ARHGAP15: variants seen among roughly 807,000 people sequenced by gnomAD.
The protein encoded by ARHGAP15 is rho GTPase-activating protein 15.
In ARHGAP15, 51 loss-of-function variants were observed where a neutral mutation model predicts 63.7. That is an observed-to-expected ratio of 0.80 (90% CI 0.64 to 1.01). The LOEUF (loss-of-function observed/expected upper bound fraction) is 1.01. Among genes scored for constraint, ARHGAP15 ranks in the 50% least tolerant of loss-of-function variants. ARHGAP15 has a pLI of 0.00. For missense variants in ARHGAP15, 560 were observed against 564.6 expected, an observed-to-expected ratio of 0.99 and a Z score of 0.08; for synonymous variants, 191 against 193.8, an observed-to-expected ratio of 0.99 and a Z score of 0.12.
chr2:143,216,574 C>T (rs953534375), intron 4 of ARHGAP15, 129 bp downstream of exon 4: 2 of 613,224 alleles, frequency 3.3e-6, no homozygotes, highest in African/African-American at 3.7e-5. Flanking sequence ...TCTGCTACTG[C>T]TATGATCAAC....
intron 13 of ARHGAP15, among the ~76,000 whole-genome samples, chr2:143,727,992 A>T (rs1685359669): frequency 6.6e-6 from 1 of 152,220 alleles, no homozygotes; most frequent in Admixed American, 6.5e-5. Flanking sequence ...TTTCTATATT[A>T]TACTGCAGTG....
chr2:143,571,163 T>C (rs1046925294), intron 11 of ARHGAP15, among the ~76,000 whole-genome samples: 2 of 152,228 alleles, frequency 1.3e-5, no homozygotes, highest in Non-Finnish European at 2.9e-5. Flanking sequence ...CAAATGGGAC[T>C]GTTTATTTGC....
At chr2:143,531,943 G>T (rs371714072) in intron 10 of ARHGAP15, among the ~76,000 whole-genome samples, 1 of 152,174 alleles carries the variant, frequency 6.6e-6, no homozygotes, top group Non-Finnish European at 1.5e-5. Context: ...GGGAAAAAAA[G>T]TACTTTCAAG....
chr2:143,348,901 TA>T (rs1468047095), intron 6 of ARHGAP15, among the ~76,000 whole-genome samples: 1 of 152,154 alleles, frequency 6.6e-6, no homozygotes, highest in Non-Finnish European at 1.5e-5. Context: ...AAAAGTAAAT[TA>T]AGTCAGAAGG....
intron 11 of ARHGAP15, among the ~76,000 whole-genome samples, chr2:143,586,555 A>G (rs1304899381): frequency 6.6e-6 from 1 of 151,864 alleles, no homozygotes; most frequent in African/African-American, 2.4e-5. Flanking sequence ...TTTTGCTTCT[A>G]CTTTGACATT....
intron 2 of ARHGAP15, among the ~76,000 whole-genome samples, chr2:143,175,382 C>T (rs770895815): frequency 2.6e-5 from 4 of 152,082 alleles, no homozygotes; most frequent in African/African-American, 4.8e-5. Context: ...AAGAAATTGG[C>T]GTAAGTAACT....
chr2:143,312,057 T>C (rs1014113856), intron 6 of ARHGAP15, among the ~76,000 whole-genome samples: 12 of 152,134 alleles, frequency 7.9e-5, no homozygotes, highest in Non-Finnish European at 1.6e-4. Context: ...ATTTTATCCA[T>C]GCAAGTAAAA....
At chr2:143,258,613 C>G (rs1163563666) in intron 6 of ARHGAP15, among the ~76,000 whole-genome samples, 1 of 152,076 alleles carries the variant, frequency 6.6e-6, no homozygotes, top group South Asian at 2.1e-4. Flanking sequence ...GGAGGCTGCT[C>G]TTTTATCTTA....
chr2:143,183,973 T>C (rs551305096), intron 2 of ARHGAP15, among the ~76,000 whole-genome samples: 1 of 152,310 alleles, frequency 6.6e-6, no homozygotes, highest in East Asian at 1.9e-4. Flanking sequence ...CTTTGACTAT[T>C]AGCCCATGGC....
At chr2:143,495,574 C>A (rs1265203007) in intron 9 of ARHGAP15, among the ~76,000 whole-genome samples, 1 of 151,944 alleles carries the variant, frequency 6.6e-6, no homozygotes, top group African/African-American at 2.4e-5. Context: ...AAAATAATGT[C>A]TTTGAAAAAT....
At chr2:143,503,598 A>T (rs1693171440) in intron 9 of ARHGAP15, among the ~76,000 whole-genome samples, 1 of 152,256 alleles carries the variant, frequency 6.6e-6, no homozygotes, top group South Asian at 2.1e-4. Context: ...TCTACTTAGT[A>T]TTGCGTACCA....
intron 13 of ARHGAP15, among the ~76,000 whole-genome samples, chr2:143,727,340 A>G (rs1473424263): frequency 6.6e-6 from 1 of 152,198 alleles, no homozygotes; most frequent in East Asian, 1.9e-4. Context: ...GATACAGTCA[A>G]TCCTGCACTT....
intron 6 of ARHGAP15, among the ~76,000 whole-genome samples, chr2:143,419,600 A>G (rs1224685034): frequency 1.3e-5 from 2 of 151,962 alleles, no homozygotes; most frequent in Non-Finnish European, 2.9e-5. Flanking sequence ...AAAAAAAATA[A>G]TAAGATACGA....
At chr2:143,432,572 A>G (rs1689434946) in intron 6 of ARHGAP15, among the ~76,000 whole-genome samples, 1 of 152,028 alleles carries the variant, frequency 6.6e-6, no homozygotes, top group Non-Finnish European at 1.5e-5. Flanking sequence ...CGTGAAAACT[A>G]TTGTTGAATT....
chr2:143,411,000 T>C (rs2105022249), intron 6 of ARHGAP15, among the ~76,000 whole-genome samples: 1 of 152,168 alleles, frequency 6.6e-6, no homozygotes, highest in African/African-American at 2.4e-5. Context: ...GGTCAGGAGT[T>C]CACGAACCAG....
At chr2:143,188,873 C>T (rs1050277012) in intron 2 of ARHGAP15, among the ~76,000 whole-genome samples, 3 of 151,872 alleles carry the variant, frequency 2.0e-5, no homozygotes, top group African/African-American at 7.3e-5. Flanking sequence ...ATCCACCTGC[C>T]TCGGCCTCCC....
At chr2:143,173,318 G>A (rs758637264) in intron 2 of ARHGAP15, among the ~76,000 whole-genome samples, 3 of 151,892 alleles carry the variant, frequency 2.0e-5, no homozygotes, top group Non-Finnish European at 4.4e-5. Context: ...ATATTTAAAT[G>A]TATGTTTTGA....
intron 11 of ARHGAP15, among the ~76,000 whole-genome samples, chr2:143,612,500 C>T (rs1209158154): frequency 6.6e-6 from 1 of 152,200 alleles, no homozygotes; most frequent in Non-Finnish European, 1.5e-5. Context: ...AAATCCTATG[C>T]ACTTCTCACT....
intron 2 of ARHGAP15, among the ~76,000 whole-genome samples, chr2:143,166,005 G>GAAAGAAAGAAA (rs1553442885): frequency 1.8e-4 from 7 of 39,212 alleles, no homozygotes; most frequent in South Asian, 1.5e-3. Flanking sequence ...AAAGAAAGAA[G>GAAAGAAAGAAA]GAAGGAAGGA....
Sources: gnomAD v4.1 joint callset for allele counts (sites outside exome capture counted in the v4.1 genomes callset) on GRCh38, gnomAD v4.1.1 for gene constraint, MANE v1.5 for transcripts, NCBI Gene and HGNC (gene_info 2026-07-23, HGNC 2026-07-21) for gene names.